CASK: variants seen among roughly 807,000 people sequenced by gnomAD.
The protein encoded by CASK is calcium/calmodulin dependent serine protein kinase, also known as peripheral plasma membrane protein CASK.
CASK carries 4 observed loss-of-function variants against 82.9 expected under a neutral mutation model. That is an observed-to-expected ratio of 0.05 (90% CI 0.02 to 0.11). CASK has a LOEUF of 0.11. Ranked by LOEUF, CASK falls within the 10% of genes least tolerant of loss-of-function variation. CASK has a pLI of 1.00. For synonymous variants in CASK, 259 were observed against 253.5 expected (o/e 1.02, Z -0.20); for missense variants, 358 against 720.9 (o/e 0.50, Z 5.76).
chrX:41,915,310 A>G (rs896987547), intron 1 of CASK, among the ~76,000 whole-genome samples: 2 of 112,522 alleles, frequency 1.8e-5, no homozygotes, highest in African/African-American at 6.5e-5. Flanking sequence ...GTAACAATCC[A>G]TATGACAGAA....
At chrX:41,568,561 A>T (rs918446040) in intron 16 of CASK, among the ~76,000 whole-genome samples, 2 of 111,743 alleles carry the variant, frequency 1.8e-5, no homozygotes, top group African/African-American at 3.3e-5. Flanking sequence ...TATCTCAAAG[A>T]CAGAGAGTCT....
intron 2 of CASK, among the ~76,000 whole-genome samples, chrX:41,827,519 G>A (rs767090408): frequency 1.8e-5 from 2 of 111,887 alleles, no homozygotes; most frequent in South Asian, 3.8e-4. Context: ...TCCCATTCAC[G>A]AGGGCAGAGC....
At chrX:41,664,658 A>G (rs1403278321) in intron 7 of CASK, among the ~76,000 whole-genome samples, 1 of 112,193 alleles carries the variant, frequency 8.9e-6, no homozygotes. Context: ...CTTATTTCCA[A>G]GAAGTCCTTA....
intron 3 of CASK, among the ~76,000 whole-genome samples, chrX:41,779,944 T>TA (rs1171827500): frequency 5.4e-5 from 6 of 110,405 alleles, no homozygotes; most frequent in African/African-American, 9.8e-5. Flanking sequence ...ACAAAAAAAT[T>TA]AAAGATATAA....
chrX:41,791,852 T>C (rs1297749111), intron 2 of CASK, among the ~76,000 whole-genome samples: 1 of 111,937 alleles, frequency 8.9e-6, no homozygotes, highest in Non-Finnish European at 1.9e-5. Context: ...ATTTTAAAAA[T>C]ATTTTAAACT....
intron 1 of CASK, among the ~76,000 whole-genome samples, chrX:41,868,800 C>T (rs1020311696): frequency 1.8e-5 from 2 of 111,294 alleles, no homozygotes; most frequent in South Asian, 3.8e-4. Flanking sequence ...TTGTGTCTGG[C>T]GCATACGAAC....
At chrX:41,743,469 C>T (rs542367760) in intron 4 of CASK, 3 of 280,651 alleles carry the variant, frequency 1.1e-5, no homozygotes, top group South Asian at 2.4e-4. Context: ...AGTTCTACCG[C>T]GTATAGATCA....
intron 5 of CASK, among the ~76,000 whole-genome samples, chrX:41,705,381 G>A (rs2067868271): frequency 9.0e-6 from 1 of 110,975 alleles, no homozygotes; most frequent in Admixed American, 9.6e-5. Context: ...ACATAGCGAA[G>A]CAGTCTCTAC....
intron 1 of CASK, among the ~76,000 whole-genome samples, chrX:41,897,822 A>G (rs986471504): frequency 2.7e-5 from 3 of 112,063 alleles, no homozygotes; most frequent in Admixed American, 1.9e-4. Flanking sequence ...TATCTGTTGT[A>G]CCAAGCATGC....
intron 16 of CASK, among the ~76,000 whole-genome samples, chrX:41,569,263 C>G (rs1342030547): frequency 1.8e-5 from 2 of 110,999 alleles, no homozygotes; most frequent in Admixed American, 1.9e-4. Context: ...CATCGTGAGG[C>G]CCAGTGTAAT....
intron 5 of CASK, among the ~76,000 whole-genome samples, chrX:41,679,842 T>C (rs149133227): frequency 0.017 from 1,887 of 111,814 alleles, 24 homozygotes; most frequent in African/African-American, 0.039. Context: ...GTCATGTCCA[T>C]TTCTTGCCCC....
Position 41,715,706 on chromosome X carries a change from C to T in CASK, c.429+23678G>A, listed in dbSNP as rs2068051137. Among the ~76,000 whole-genome samples the T allele has an allele frequency of 2.7e-5, 3 of 110,987 alleles. No individual in the cohort carries two copies. In the Admixed American group the frequency reaches 2.9e-4, roughly 11 times the overall value. The stretch of plus-strand genomic sequence containing the variant: ...CCTGGGTGCTCCCTTGAAGTGGCCA[C>T]CTGGGTCTGTGAAATGAGTGGATAA... On this transcript the variant is annotated intron_variant, in intron 5 of 26. Coordinates refer to ENST00000378163, the MANE Select transcript of CASK (RefSeq NM_001367721.1).
At chrX:41,565,634 C>T (rs764317637) in intron 16 of CASK, among the ~76,000 whole-genome samples, 49 of 111,671 alleles carry the variant, frequency 4.4e-4, no homozygotes, top group Non-Finnish European at 7.5e-4. Flanking sequence ...CAGACGGATT[C>T]ACAGCCGAAT....
chrX:41,865,778 A>G (rs2071580455), intron 1 of CASK, among the ~76,000 whole-genome samples: 1 of 111,347 alleles, frequency 9.0e-6, no homozygotes. Flanking sequence ...GAGCCCTCAC[A>G]ATGCTATTTT....
chrX:41,679,824 C>G (rs1329584212), intron 5 of CASK, among the ~76,000 whole-genome samples: 2 of 111,758 alleles, frequency 1.8e-5, no homozygotes, highest in Non-Finnish European at 3.8e-5. Context: ...AGATGATGTT[C>G]CAGGCTTGTC....
intron 3 of CASK, among the ~76,000 whole-genome samples, chrX:41,770,282 AT>A (rs2069205676): frequency 1.0e-5 from 1 of 97,880 alleles, no homozygotes; most frequent in Non-Finnish European, 2.1e-5. Context: ...CTATCTATCT[AT>A]CTATCTATCT....
intron 2 of CASK, among the ~76,000 whole-genome samples, chrX:41,841,007 C>T (rs1480547783): frequency 8.9e-6 from 1 of 112,001 alleles, no homozygotes; most frequent in Non-Finnish European, 1.9e-5. Context: ...AATGACTATT[C>T]ATGTACCAGT....
rs188479771 is a variant in CASK at position 41,702,151 on chromosome X, C to A, written c.430-30621G>T. On this transcript the variant is annotated intron_variant, in intron 5 of 26. Coordinates refer to ENST00000378163, the MANE Select transcript of CASK (RefSeq NM_001367721.1). Reference sequence around the variant, plus strand: ...CTGTAATCCCAGCACTTTGGGAGGCCAAGGTGGGTGGATCACCTGAGGTCA... The same window carrying A: ...CTGTAATCCCAGCACTTTGGGAGGCAAAGGTGGGTGGATCACCTGAGGTCA... Among the ~76,000 whole-genome samples, 132 of 110,338 alleles carry A rather than the reference C, an allele frequency of 1.2e-3. 2 individuals carry two copies. The highest frequency in any genetic ancestry group is 4.3e-3 in the African/African-American group (129 of 30,189).
In CASK at chrX:41,688,401, T is replaced by A. The variant is rs1479197106; in HGVS notation, c.430-16871A>T. Reference sequence around the variant, plus strand: ...CATAGATGGACAGATAGTGGTTAAATTTTGGACTAGGATCAAAACCAAGAC... The same window carrying A: ...CATAGATGGACAGATAGTGGTTAAAATTTGGACTAGGATCAAAACCAAGAC... On this transcript the variant is annotated intron_variant, in intron 5 of 26. Coordinates refer to ENST00000378163, the MANE Select transcript of CASK (RefSeq NM_001367721.1). Among the ~76,000 whole-genome samples the A allele has an allele frequency of 1.8e-5, 2 of 112,176 alleles. 1 individual carries two copies. The highest frequency in any genetic ancestry group is 3.8e-5 in the Non-Finnish European group (2 of 53,280).
Sources: allele counts gnomAD v4.1 joint callset (sites outside exome capture counted in the v4.1 genomes callset), GRCh38; gene constraint gnomAD v4.1.1; transcripts MANE v1.5; gene names NCBI Gene and HGNC (gene_info 2026-07-23, HGNC 2026-07-21).